The following WNT2B variants were observed in gnomAD, a reference collection of about 807,000 sequenced individuals.
The protein encoded by WNT2B is Wnt family member 2B, also known as protein Wnt-2b.
WNT2B carries 19 observed loss-of-function variants against 40.5 expected under a neutral mutation model. That is an observed-to-expected ratio of 0.47 (90% CI 0.33 to 0.69). WNT2B has a LOEUF of 0.69. WNT2B is among the 30% of genes least tolerant of loss of function. WNT2B has a pLI of 0.02. For synonymous variants in WNT2B, 220 were observed against 211.9 expected (o/e 1.04, Z -0.33); for missense variants, 467 against 556.4 (o/e 0.84, Z 1.62).
At chr1:112,475,847 A>G (rs771396552) in intron 1 of WNT2B, among the ~76,000 whole-genome samples, 1 of 152,196 alleles carries the variant, frequency 6.6e-6, no homozygotes, top group Non-Finnish European at 1.5e-5. Context: ...AATAGCCTAA[A>G]CAACTCAATT....
intron 1 of WNT2B, among the ~76,000 whole-genome samples, chr1:112,510,844 C>A (rs903209535): frequency 6.6e-6 from 1 of 152,072 alleles, no homozygotes; most frequent in East Asian, 1.9e-4. Flanking sequence ...GGAGAAAAAC[C>A]TTTCAAAGTT....
rs904588148 is a variant in WNT2B, at chr1:112,523,827, C to T, written c.*3318C>T. 2 of 151,918 alleles carry T rather than the reference C, an allele frequency of 1.3e-5. No homozygotes were observed. The highest frequency in any genetic ancestry group is 6.6e-5 in the Admixed American group (1 of 15,252). The allele number at this position is 151,918 out of a possible 1,614,324, so 9.4% of individuals were successfully genotyped here. A position where few individuals can be genotyped will look rare whatever the true frequency, so the allele number is the denominator to read the frequency against. On this transcript the variant is annotated 3_prime_UTR_variant, in exon 5 of 5. Transcript: ENST00000369684. Reference sequence around the variant, plus strand: ...TAGAGAAGGCACATGACTGAAGTACCTCAGCTGCGCAGCCTGTAGCCAGTT... The same window carrying T: ...TAGAGAAGGCACATGACTGAAGTACTTCAGCTGCGCAGCCTGTAGCCAGTT...
rs1479966035 is a variant in WNT2B, at chr1:112,491,568, T to C, written c.-94-23306T>C. ...AGCATTTCAGGCCAAGGGAAAATGG[T>C]AAATAAACACAAAGAGTTAGAAGGA... On this transcript the variant is annotated intron_variant, in intron 1 of 4. Transcript: ENST00000256640. Among the ~76,000 whole-genome samples the C allele has an allele frequency of 2.6e-5, 4 of 151,812 alleles. No homozygotes were observed. The East Asian group carries it at 7.8e-4, about 29-fold the overall frequency.
At chr1:112,512,065 C>G (rs573150310) in intron 1 of WNT2B, among the ~76,000 whole-genome samples, 1 of 150,210 alleles carries the variant, frequency 6.7e-6, no homozygotes, top group Non-Finnish European at 1.5e-5. Context: ...GGGCTGTACA[C>G]GAAAGGAGGA....
At position 112,523,511 on chromosome 1, in the gene WNT2B, T is replaced by C. The variant is rs1652994733; in HGVS notation, c.*3002T>C. On this transcript the variant is annotated 3_prime_UTR_variant, in exon 5 of 5. Coordinates refer to ENST00000369684, the MANE Select transcript of WNT2B (RefSeq NM_024494.3). ...TAGTCTGCATTACACAAATAGACACTAATTTATTTGGAACAAGCAGCAAAA... is the reference window on the plus strand; with the variant it reads ...TAGTCTGCATTACACAAATAGACACCAATTTATTTGGAACAAGCAGCAAAA... The C allele has an allele frequency of 6.6e-6, 1 of 152,184 alleles. No homozygotes were observed. The highest frequency in any genetic ancestry group is 1.5e-5 in the Non-Finnish European group (1 of 68,036). The allele number at this position is 152,184 out of a possible 1,614,324, so 9.4% of individuals were successfully genotyped here. A position where few individuals can be genotyped will look rare whatever the true frequency, so the allele number is the denominator to read the frequency against.
At position 112,517,102 on chromosome 1, in the gene WNT2B, T is replaced by G; in HGVS notation, c.682-19T>G. The stretch of plus-strand genomic sequence containing the variant: ...CCTGACCAGCTACTTCTCCCTTAAC[T>G]GCCTTCCCCCTCCCCCAGGCTGTGC... On this transcript the variant is annotated intron_variant, in intron 3 of 4. Transcript: ENST00000369684. 6.2e-7 allele frequency: 1 copy of G among 1,603,742 alleles called. No individual in the cohort carries two copies. Among genetic ancestry groups the G allele is most frequent in the Non-Finnish European group, 8.5e-7 (1 of 1,172,202 alleles).
chr1:112,512,843 C>T (rs973060931), intron 1 of WNT2B, among the ~76,000 whole-genome samples: 4 of 152,158 alleles, frequency 2.6e-5, no homozygotes, highest in African/African-American at 9.7e-5. Flanking sequence ...AGCAAGCAAG[C>T]GCCATGCTCT....
upstream of WNT2B, among the ~76,000 whole-genome samples, chr1:112,507,245 A>T (rs1344484359): frequency 6.6e-6 from 1 of 152,016 alleles, no homozygotes; most frequent in Non-Finnish European, 1.5e-5. Context: ...ACTTTTTAAC[A>T]TACTCTGTTT....
In WNT2B at chr1:112,525,304, A is replaced by G. The variant is rs559960807; in HGVS notation, c.*4795A>G. The G allele has an allele frequency of 6.6e-6, 1 of 152,208 alleles. No homozygotes were observed. The highest frequency in any genetic ancestry group is 2.1e-4 in the South Asian group (1 of 4,828). 9.4% of individuals were successfully genotyped at this position (152,208 alleles called of 1,614,324 possible). On this transcript the variant is annotated 3_prime_UTR_variant, in exon 5 of 5. Coordinates refer to ENST00000369684, the MANE Select transcript of WNT2B (RefSeq NM_024494.3). ...CTGGAAAAGACCAAGTGGTGGCTTT[A>G]TTAGGGTAAATATATCACAGTTGCT... is the stretch of plus-strand genomic sequence containing the variant.
At chr1:112,476,509 C>T (rs1260720852) in intron 1 of WNT2B, among the ~76,000 whole-genome samples, 1 of 151,978 alleles carries the variant, frequency 6.6e-6, no homozygotes, top group Non-Finnish European at 1.5e-5. Context: ...TGCAGCAACC[C>T]AAAGGACCAC....
At chr1:112,466,892 A>C (rs1369494119) in exon 1 of WNT2B, 1 of 152,260 alleles carries the variant, frequency 6.6e-6, no homozygotes, top group Non-Finnish European at 1.5e-5. Context: ...TCCATGCCAC[A>C]GTTCCTACTA....
chr1:112,485,957 A>G (rs1325311263), intron 1 of WNT2B, among the ~76,000 whole-genome samples: 3 of 152,132 alleles, frequency 2.0e-5, no homozygotes, highest in Admixed American at 2.0e-4. Context: ...ACATTGATTG[A>G]TTTTCAAATA....
intron 1 of WNT2B, among the ~76,000 whole-genome samples, chr1:112,500,977 T>C (rs1403601317): frequency 6.6e-6 from 1 of 152,188 alleles, no homozygotes; most frequent in Non-Finnish European, 1.5e-5. Context: ...TCAGAACGCC[T>C]CAGTTTTTCC....
intron 4 of WNT2B, 96 bp downstream of exon 4, chr1:112,517,481 G>A: frequency 1.4e-6 from 2 of 1,456,054 alleles, no homozygotes; most frequent in Non-Finnish European, 1.8e-6. Flanking sequence ...AGTTAGGGAA[G>A]GGGGTGCTGT....
At chr1:112,496,715 C>T (rs1277408260) in intron 1 of WNT2B, among the ~76,000 whole-genome samples, 1 of 152,130 alleles carries the variant, frequency 6.6e-6, no homozygotes, top group East Asian at 1.9e-4. Context: ...ATTCTCCTGC[C>T]TCAGCCTCCT....
chr1:112,525,781 T>C lies in WNT2B; in HGVS notation c.*5272T>C. 2.0e-6 allele frequency: 1 copy of C among 505,572 alleles called. No homozygotes were observed. The highest frequency in any genetic ancestry group is 3.3e-6 in the Non-Finnish European group (1 of 301,212). 31.3% of individuals were successfully genotyped at this position (505,572 alleles called of 1,614,324 possible). A position where few individuals can be genotyped will look rare whatever the true frequency, so the allele number is the denominator to read the frequency against. The stretch of plus-strand genomic sequence containing the variant: ...CCCTGGCCAAACAGAAAGGCTAAGC[T>C]GAATGAAGAAAAAAGGAAGACAATT... On this transcript the variant is annotated 3_prime_UTR_variant, in exon 5 of 5. Coordinates refer to ENST00000369684, the MANE Select transcript of WNT2B (RefSeq NM_024494.3).
In WNT2B at chr1:112,509,240, G is replaced by T. The variant is rs1189502257; in HGVS notation, c.-23G>T. ...CCCCGTCCACGCCCCTCCGGGCTGC[G>T]CGGCGGGAGTCTTCGGGGAGCTATG... On this transcript the variant is annotated 5_prime_UTR_variant, in exon 1 of 5. Transcript: ENST00000369684. The surrounding 1 kb of genome is among the most constrained non-coding windows in gnomAD (Gnocchi z 4.2). 2.5e-5 allele frequency: 37 copies of T among 1,499,532 alleles called. No individual in the cohort carries two copies. The highest frequency in any genetic ancestry group is 4.3e-5 in the African/African-American group (3 of 69,044). 92.9% of individuals were successfully genotyped at this position (1,499,532 alleles called of 1,614,324 possible). A position where few individuals can be genotyped will look rare whatever the true frequency, so the allele number is the denominator to read the frequency against.
chr1:112,507,790 T>C (rs189260977), upstream of WNT2B, among the ~76,000 whole-genome samples: 69 of 152,128 alleles, frequency 4.5e-4, no homozygotes, highest in Admixed American at 1.8e-3. Context: ...ACCTGCGAGG[T>C]GGGAGAAACT....
At chr1:112,493,393 G>T (rs866073772) in intron 1 of WNT2B, among the ~76,000 whole-genome samples, 1 of 152,122 alleles carries the variant, frequency 6.6e-6, no homozygotes, top group Non-Finnish European at 1.5e-5. Flanking sequence ...GAGGCTGGGA[G>T]GATTGCTTGA....
Sources: allele counts gnomAD v4.1 joint callset (sites outside exome capture counted in the v4.1 genomes callset), GRCh38; gene constraint gnomAD v4.1.1; non-coding constraint Gnocchi (gnomAD v3.1); transcripts MANE v1.5; gene names NCBI Gene and HGNC (gene_info 2026-07-23, HGNC 2026-07-21).